The following TUBGCP4 variants were observed in gnomAD, a reference collection of about 807,000 sequenced individuals.
The protein encoded by TUBGCP4 is gamma-tubulin complex component 4.
In TUBGCP4, 54 loss-of-function variants were observed where a neutral mutation model predicts 91.6. That is an observed-to-expected ratio of 0.59 (90% CI 0.47 to 0.74). TUBGCP4 has a LOEUF of 0.74. TUBGCP4 is among the 30% of genes least tolerant of loss of function. TUBGCP4 has a pLI of 0.00. For synonymous variants in TUBGCP4, 297 were observed against 302.8 expected, an observed-to-expected ratio of 0.98 and a Z score of 0.20; for missense variants, 593 against 800.9, an observed-to-expected ratio of 0.74 and a Z score of 3.13.
chr15:43,404,024 A>G, intron 16 of TUBGCP4: 1 of 559,262 alleles, frequency 1.8e-6, no homozygotes, highest in East Asian at 2.9e-5. Flanking sequence ...TAGTTTATTC[A>G]GCCCATCAAA....
At chr15:43,374,415 C>A (rs2044170886) in intron 1 of TUBGCP4, among the ~76,000 whole-genome samples, 1 of 152,010 alleles carries the variant, frequency 6.6e-6, no homozygotes, top group African/African-American at 2.4e-5. Context: ...TTGAGGCTAG[C>A]CTGCGCAACA....
In TUBGCP4 at chr15:43,408,791, G is replaced by A. The variant is rs45485194; in HGVS notation, c.*3577G>A. On this transcript the variant is annotated 3_prime_UTR_variant, in exon 18 of 18. Coordinates refer to ENST00000564079, the MANE Select transcript of TUBGCP4 (RefSeq NM_014444.5). ...CAAACCCACTCAAATTTATCCCACA[G>A]ACATTCCAATTTCTAGAAAGCTTTA... 4 of 1,134,042 alleles carry A rather than the reference G, an allele frequency of 3.5e-6. No individual in the cohort carries two copies. The highest frequency in any genetic ancestry group is 5.0e-5 in the East Asian group (2 of 40,396). 70.2% of individuals were successfully genotyped at this position (1,134,042 alleles called of 1,614,324 possible).
At chr15:43,391,901 A>C (rs1316934639) in intron 9 of TUBGCP4, among the ~76,000 whole-genome samples, 5 of 152,112 alleles carry the variant, frequency 3.3e-5, no homozygotes, top group Non-Finnish European at 7.4e-5. Context: ...AATAAACTAC[A>C]AAAATTAGCC....
chr15:43,409,136 C>T lies in TUBGCP4; in HGVS notation c.*3922C>T, dbSNP rs1001543045. ...GCAGAGCCAATGGGTTTGGTGACTT[C>T]TGTGGAAAGCTCCTAAGCAGCAGCC... is the stretch of plus-strand genomic sequence containing the variant. On this transcript the variant is annotated 3_prime_UTR_variant, in exon 18 of 18. Transcript: ENST00000564079. 1.9e-6 allele frequency: 3 copies of T among 1,588,634 alleles called. No individual in the cohort carries two copies. In the South Asian group the frequency reaches 3.3e-5, roughly 18 times the overall value.
intron 13 of TUBGCP4, 55 bp from the exon 14 acceptor site, chr15:43,399,989 G>T: frequency 6.8e-7 from 1 of 1,461,772 alleles, no homozygotes; most frequent in South Asian, 1.2e-5. Flanking sequence ...TGTCGTGTGG[G>T]GGAAGTGCAG....
chr15:43,383,989 T>A (rs1427056056), intron 7 of TUBGCP4, among the ~76,000 whole-genome samples: 1 of 152,158 alleles, frequency 6.6e-6, no homozygotes. Context: ...TATTTTCATA[T>A]TTTTAGTAGA....
rs2044950488 is a variant in TUBGCP4 at position 43,407,609 on chromosome 15, T to TCAA, written c.*2397_*2399dup. The TCAA allele has an allele frequency of 1.3e-6, 2 of 1,569,474 alleles. No individual in the cohort carries two copies. The highest frequency in any genetic ancestry group is 3.6e-5 in the Admixed American group (2 of 56,154). ...GGGAAAGTGAAGAAGGAAAGGACAC[T>TCAA]CAACTTAGCCCTCCATTAGAAAGAG... On this transcript the variant is annotated 3_prime_UTR_variant, in exon 18 of 18. Coordinates refer to ENST00000564079, the MANE Select transcript of TUBGCP4 (RefSeq NM_014444.5).
At position 43,404,535 on chromosome 15, in the gene TUBGCP4, T is replaced by C; in HGVS notation, c.1971T>C (p.Ala657=). The change falls in exon 17 of 18, where the codon GCT becomes GCC. Residue 657 remains alanine, a synonymous_variant. Transcript: ENST00000564079. The stretch of plus-strand genomic sequence containing the variant: ...ATTATAACAAATACTATACCCAGGC[T>C]GGTGGAACTCTGGGCAGGTAGGAGC... The part of the protein sequence containing the change: ...RLDYNKYYTQ[A]GGTLGSFGM The C allele has an allele frequency of 6.2e-7, 1 of 1,614,170 alleles. No individual in the cohort carries two copies. Among genetic ancestry groups the C allele is most frequent in the Non-Finnish European group, 8.5e-7 (1 of 1,180,010 alleles).
chr15:43,407,297 C>T lies in TUBGCP4; in HGVS notation c.*2083C>T. On this transcript the variant is annotated 3_prime_UTR_variant, in exon 18 of 18. Transcript: ENST00000564079. ...TATATACAAGATCCATGCAAGGAAT[C>T]CAGTTACACACAAGACACATTTAAA... 1.8e-6 allele frequency: 2 copies of T among 1,132,044 alleles called. No individual in the cohort carries two copies. The highest frequency in any genetic ancestry group is 2.6e-6 in the Non-Finnish European group (2 of 772,530). The allele number at this position is 1,132,044 out of a possible 1,614,324, so 70.1% of individuals were successfully genotyped here.
chr15:43,371,347 C>T lies in TUBGCP4; in HGVS notation c.-8C>T. On this transcript the variant is annotated 5_prime_UTR_variant, in exon 1 of 18. Coordinates refer to ENST00000564079, the MANE Select transcript of TUBGCP4 (RefSeq NM_014444.5). ...GACATAACCAGGGACTCGAGGTCCG[C>T]CGTGGGAATGATCCACGAACTGCTC... The T allele has an allele frequency of 6.2e-7, 1 of 1,613,634 alleles. No individual in the cohort carries two copies. Among genetic ancestry groups the T allele is most frequent in the Non-Finnish European group, 8.5e-7 (1 of 1,179,856 alleles).
chr15:43,386,290 T>C lies in TUBGCP4; in HGVS notation c.974T>C (p.Phe325Ser). The change falls in exon 9 of 18, where the codon TTT becomes TCT. Residue 325 changes from phenylalanine (F) to serine (S), a missense_variant. By Grantham distance (155) the Phe-to-Ser change is radical (BLOSUM62 -2). Transcript: ENST00000564079. ...KQQPLFSLVD[F>S]EQVVDRIRST... ...CAGCCACTCTTCAGCTTGGTGGACT[T>C]TGAACAGGTGGTGGATCGCATTCGC... 1.0e-5 allele frequency: 16 copies of C among 1,590,008 alleles called. No homozygotes were observed. Among genetic ancestry groups the C allele is most frequent in the African/African-American group, 1.4e-5 (1 of 71,276 alleles).
chr15:43,398,213 G>A, intron 13 of TUBGCP4, 34 bp downstream of exon 13: 1 of 1,594,418 alleles, frequency 6.3e-7, no homozygotes, highest in Non-Finnish European at 8.6e-7. Flanking sequence ...AGGTAAATAT[G>A]ACCCACCTTA....
At chr15:43,371,626 G>C (rs926487420) in intron 1 of TUBGCP4, among the ~76,000 whole-genome samples, 194 bp downstream of exon 1, 1 of 152,148 alleles carries the variant, frequency 6.6e-6, no homozygotes, top group African/African-American at 2.4e-5. Context: ...GCCTAGGCTA[G>C]AAAACGGAGG....
In TUBGCP4 at chr15:43,383,421, G is replaced by C. The variant is rs902040199; in HGVS notation, c.640G>C (p.Val214Leu). 3 of 1,614,022 alleles carry C rather than the reference G, an allele frequency of 1.9e-6. No individual in the cohort carries two copies. In the African/African-American group the frequency reaches 4.0e-5, roughly 22 times the overall value. ...CAAACAGGGGCCATCTTCTGGTAAT[G>C]TCAGTGCCCAGCCAGAAGAGGACGA... ...FIKQGPSSGN[V>L]SAQPEEDEED... is the part of the protein sequence containing the mutation. Residue 214 changes from valine (V) to leucine (L), a missense_variant, in exon 7 of 18, where the codon GTC (valine) becomes CTC (leucine). Transcript: ENST00000564079.
chr15:43,409,508 A>G lies in TUBGCP4; in HGVS notation c.*4294A>G. The G allele has an allele frequency of 1.9e-6, 1 of 523,900 alleles. No homozygotes were observed. The highest frequency in any genetic ancestry group is 3.0e-5 in the East Asian group (1 of 33,118). 32.5% of individuals were successfully genotyped at this position (523,900 alleles called of 1,614,324 possible). A position where few individuals can be genotyped will look rare whatever the true frequency, so the allele number is the denominator to read the frequency against. Reference sequence around the variant, plus strand: ...AACAAAAATTCTATTTCATGCAAAAACATTTTGGCAGTTTCTCAGTTCCTG... The same window carrying G: ...AACAAAAATTCTATTTCATGCAAAAGCATTTTGGCAGTTTCTCAGTTCCTG... On this transcript the variant is annotated 3_prime_UTR_variant, in exon 18 of 18. Transcript: ENST00000564079.
chr15:43,402,276 T>A (rs1367730498), intron 15 of TUBGCP4: 2 of 154,712 alleles, frequency 1.3e-5, no homozygotes, highest in African/African-American at 4.9e-5. Context: ...CAAGATTCTG[T>A]CTTGGGGGAG....
At chr15:43,394,452 T>C (rs1053829076) in intron 9 of TUBGCP4, 2 of 152,196 alleles carry the variant, frequency 1.3e-5, no homozygotes, top group Non-Finnish European at 2.9e-5. Flanking sequence ...ACCTTTTGTT[T>C]TTCTTTTATG....
chr15:43,386,725 CAA>C (rs10718458), intron 9 of TUBGCP4, among the ~76,000 whole-genome samples: 14,795 of 67,258 alleles, frequency 0.22, 1,285 homozygotes, highest in African/African-American at 0.43. Context: ...ACTCTGTCTC[CAA>C]AAAAAAAAAA....
intron 9 of TUBGCP4, among the ~76,000 whole-genome samples, chr15:43,392,282 G>A (rs913377513): frequency 2.7e-5 from 4 of 149,902 alleles, no homozygotes; most frequent in African/African-American, 9.8e-5. Flanking sequence ...TTTACATATT[G>A]TTTTGACTGT....
Sources: allele counts gnomAD v4.1 joint callset (sites outside exome capture counted in the v4.1 genomes callset), GRCh38; gene constraint gnomAD v4.1.1; transcripts MANE v1.5; gene names NCBI Gene and HGNC (gene_info 2026-07-23, HGNC 2026-07-21).